SLC24A3: variants seen among roughly 807,000 people sequenced by gnomAD.
The protein encoded by SLC24A3 is solute carrier family 24 member 3, also known as sodium/potassium/calcium exchanger 3.
Under a neutral mutation model 75.8 loss-of-function variants are expected in SLC24A3, and 28 were observed. That is an observed-to-expected ratio of 0.37 (90% CI 0.27 to 0.51). The LOEUF (loss-of-function observed/expected upper bound fraction) is 0.51. Among genes scored for constraint, SLC24A3 ranks in the 20% least tolerant of loss-of-function variants. SLC24A3 has a pLI of 0.94. For synonymous variants in SLC24A3, 372 were observed against 334.1 expected, an observed-to-expected ratio of 1.11 and a Z score of -1.24; for missense variants, 663 against 847.8, an observed-to-expected ratio of 0.78 and a Z score of 2.71.
Position 19,432,484 on chromosome 20 carries a change from A to C in SLC24A3, c.272-83004A>C, listed in dbSNP as rs1264931365. On this transcript the variant is annotated intron_variant, in intron 2 of 16. Coordinates refer to ENST00000328041, the MANE Select transcript of SLC24A3 (RefSeq NM_020689.4). ...CTCATTGTTCACAATAATTCACCTA[A>C]AGGCAGATGACCCCATGGAGAATTC... 2.0e-5 allele frequency among the ~76,000 whole-genome samples: 3 copies of C among 152,080 alleles called. No individual in the cohort carries two copies. In the South Asian group the frequency reaches 6.2e-4, roughly 32 times the overall value.
intron 2 of SLC24A3, among the ~76,000 whole-genome samples, chr20:19,302,297 C>A (rs571216212): frequency 6.6e-6 from 1 of 152,286 alleles, no homozygotes; most frequent in South Asian, 2.1e-4. Flanking sequence ...GTACTTGATA[C>A]TATCTATAAT....
chr20:19,659,748 A>G (rs1025708775), intron 7 of SLC24A3, among the ~76,000 whole-genome samples: 28 of 152,184 alleles, frequency 1.8e-4, no homozygotes, highest in African/African-American at 6.7e-4. Context: ...TACTGCCCCA[A>G]TATAGAATTT....
At chr20:19,555,773 A>G (rs6046179) in intron 3 of SLC24A3, among the ~76,000 whole-genome samples, 90,886 of 152,052 alleles carry the variant, frequency 0.6, 28,856 homozygotes, top group Non-Finnish European at 0.69. Flanking sequence ...GTTTTGAAGG[A>G]CCCCTCTCCT....
intron 3 of SLC24A3, among the ~76,000 whole-genome samples, chr20:19,571,951 G>A (rs2031058788): frequency 6.6e-6 from 1 of 152,128 alleles, no homozygotes; most frequent in Non-Finnish European, 1.5e-5. Context: ...CTTGAGACAA[G>A]GATTTAAATG....
chr20:19,713,400 G>T (rs2033010213), intron 15 of SLC24A3, among the ~76,000 whole-genome samples: 1 of 152,212 alleles, frequency 6.6e-6, no homozygotes, highest in Non-Finnish European at 1.5e-5. Context: ...AGACCACATT[G>T]CTTCTGGAAC....
chr20:19,331,223 A>T (rs1984990709), intron 2 of SLC24A3, among the ~76,000 whole-genome samples: 3 of 152,184 alleles, frequency 2.0e-5, no homozygotes, highest in Admixed American at 2.0e-4. Flanking sequence ...GGAATTGATG[A>T]GTGTGCTGTG....
rs115045502 is a variant in SLC24A3, at chr20:19,440,713, A to G, written c.272-74775A>G. On this transcript the variant is annotated intron_variant, in intron 2 of 16. Transcript: ENST00000328041. ...GAATGAATGAATTTAGTAGAATTTC[A>G]GCTACTAGAGGTAAGTCCAGCTCCA... Among the ~76,000 whole-genome samples the G allele has an allele frequency of 7.2e-3, 1,070 of 147,594 alleles. 17 individuals carry two copies. Among genetic ancestry groups the G allele is most frequent in the African/African-American group, 0.024 (977 of 40,028 alleles).
intron 2 of SLC24A3, among the ~76,000 whole-genome samples, chr20:19,513,242 A>C (rs2029917553): frequency 6.6e-6 from 1 of 152,220 alleles, no homozygotes; most frequent in African/African-American, 2.4e-5. Context: ...TCCATGCAGT[A>C]GGGGGGTGGC....
At chr20:19,530,360 T>C (rs2030274291) in intron 3 of SLC24A3, among the ~76,000 whole-genome samples, 2 of 152,188 alleles carry the variant, frequency 1.3e-5, no homozygotes, top group Non-Finnish European at 2.9e-5. Context: ...AGGGCCTCTC[T>C]CTCTTTGTCT....
intron 8 of SLC24A3, among the ~76,000 whole-genome samples, chr20:19,667,132 G>A (rs1393498585): frequency 6.6e-6 from 1 of 152,142 alleles, no homozygotes; most frequent in East Asian, 1.9e-4. Flanking sequence ...GGACATCTCT[G>A]ACTTTCAGAA....
intron 2 of SLC24A3, among the ~76,000 whole-genome samples, chr20:19,428,165 G>T (rs951187989): frequency 1.3e-5 from 2 of 152,210 alleles, no homozygotes; most frequent in African/African-American, 4.8e-5. Flanking sequence ...AGCAGCATGA[G>T]CCCGGTCTGG....
chr20:19,510,492 G>A (rs73277170), intron 2 of SLC24A3, among the ~76,000 whole-genome samples: 9,406 of 152,196 alleles, frequency 0.062, 645 homozygotes, highest in African/African-American at 0.16. Context: ...AGGAGGCTTC[G>A]GAGATGCTGT....
intron 3 of SLC24A3, among the ~76,000 whole-genome samples, chr20:19,538,885 C>T (rs2030447634): frequency 1.3e-5 from 2 of 152,350 alleles, no homozygotes; most frequent in South Asian, 4.1e-4. Context: ...AAAGGATAAA[C>T]TGTGCTGTGT....
intron 6 of SLC24A3, among the ~76,000 whole-genome samples, chr20:19,596,475 T>C (rs977513288): frequency 2.0e-5 from 3 of 152,206 alleles, no homozygotes; most frequent in African/African-American, 4.8e-5. Context: ...GTTCAGAAAG[T>C]AGGCATCCTG....
intron 1 of SLC24A3, among the ~76,000 whole-genome samples, chr20:19,276,260 T>C (rs1440740586): frequency 3.9e-5 from 6 of 152,304 alleles, no homozygotes; most frequent in African/African-American, 1.4e-4. Flanking sequence ...GAAATCACAC[T>C]GAGCAGAGTG....
At chr20:19,214,883 C>G (rs1600377654) in intron 1 of SLC24A3, among the ~76,000 whole-genome samples, 1 of 152,100 alleles carries the variant, frequency 6.6e-6, no homozygotes, top group Admixed American at 6.6e-5. Context: ...CTCTTCCTCC[C>G]TTCTCATCTC....
chr20:19,680,934 G>T, intron 9 of SLC24A3, among the ~76,000 whole-genome samples: 1 of 152,216 alleles, frequency 6.6e-6, no homozygotes, highest in Non-Finnish European at 1.5e-5. Context: ...GCCTATGGGA[G>T]GCCGGAGGTC....
intron 2 of SLC24A3, among the ~76,000 whole-genome samples, chr20:19,306,806 C>A (rs925515371): frequency 6.6e-6 from 1 of 152,166 alleles, no homozygotes; most frequent in African/African-American, 2.4e-5. Flanking sequence ...TAGCAACACA[C>A]AATTTACCCA....
chr20:19,354,335 G>A (rs1985633308), intron 2 of SLC24A3, among the ~76,000 whole-genome samples: 1 of 152,200 alleles, frequency 6.6e-6, no homozygotes, highest in Non-Finnish European at 1.5e-5. Flanking sequence ...TTGTATGAGA[G>A]TCTAGGAAAT....
Sources: gnomAD v4.1 joint callset for allele counts (sites outside exome capture counted in the v4.1 genomes callset) on GRCh38, gnomAD v4.1.1 for gene constraint, MANE v1.5 for transcripts, NCBI Gene and HGNC (gene_info 2026-07-23, HGNC 2026-07-21) for gene names.